The following B4GALT2 variants were observed in gnomAD, a reference collection of about 807,000 sequenced individuals.
B4GALT2 encodes beta-1,4-galactosyltransferase 2.
Under a neutral mutation model 33.2 loss-of-function variants are expected in B4GALT2, and 18 were observed. The observed-to-expected ratio is 0.54, with a 90% CI of 0.38 to 0.80. B4GALT2 has a LOEUF of 0.80. Ranked by LOEUF, B4GALT2 falls within the 30% of genes least tolerant of loss-of-function variation. The probability of loss-of-function intolerance (pLI) is 0.00; values close to 1 mark genes in which losing one functional copy is unlikely to be tolerated. For synonymous variants in B4GALT2, 214 were observed against 217.6 expected (o/e 0.98, Z 0.15); for missense variants, 404 against 526.2 (o/e 0.77, Z 2.27).
Position 43,984,319 on chromosome 1 carries a change from C to T in B4GALT2, c.550-546C>T, listed in dbSNP as rs2085632510. On this transcript the variant is annotated intron_variant, in intron 3 of 6. Coordinates refer to ENST00000372324, the MANE Select transcript of B4GALT2 (RefSeq NM_003780.5). The surrounding 1 kb of genome is among the most constrained non-coding windows in gnomAD (Gnocchi z 5.6). ...GTCATTTGGGGCATTCGTTGTTTGTCTCACTGCATGACTCTATACACAGCA... is the reference window on the plus strand; with the variant it reads ...GTCATTTGGGGCATTCGTTGTTTGTTTCACTGCATGACTCTATACACAGCA... Among the ~76,000 whole-genome samples the T allele has an allele frequency of 6.6e-6, 1 of 152,258 alleles. No homozygotes were observed. The highest frequency in any genetic ancestry group is 1.5e-5 in the Non-Finnish European group (1 of 68,038).
At position 43,990,701 on chromosome 1, in the gene B4GALT2, GC is replaced by G; in HGVS notation, c.*257del. On this transcript the variant is annotated 3_prime_UTR_variant, in exon 7 of 7. Transcript: ENST00000372324. The stretch of plus-strand genomic sequence containing the variant: ...TTCCCGACCCCCTCCCCCTAGCCCA[GC>G]CCCAGTCACTGTCAGGGTCGGGCCA... 1.9e-6 allele frequency: 1 copy of G among 529,866 alleles called. No individual in the cohort carries two copies. Among genetic ancestry groups the G allele is most frequent in the Non-Finnish European group, 3.4e-6 (1 of 295,714 alleles). 32.8% of individuals were successfully genotyped at this position (529,866 alleles called of 1,614,324 possible). A position where few individuals can be genotyped will look rare whatever the true frequency, so the allele number is the denominator to read the frequency against.
chr1:43,989,778 T>C (rs1397770060), intron 6 of B4GALT2, among the ~76,000 whole-genome samples: 3 of 152,196 alleles, frequency 2.0e-5, no homozygotes, highest in African/African-American at 7.2e-5. Context: ...GCTATAATTA[T>C]GGCTTGTGGA....
intron 4 of B4GALT2, 73 bp from the exon 5 acceptor site, chr1:43,985,205 C>A: frequency 6.4e-7 from 1 of 1,568,146 alleles, no homozygotes; most frequent in Non-Finnish European, 8.7e-7. Flanking sequence ...GACATTCCCC[C>A]CGACCTGGTC....
At chr1:43,988,356 C>G (rs140758230) in intron 6 of B4GALT2, among the ~76,000 whole-genome samples, 3 of 73,730 alleles carry the variant, frequency 4.1e-5, no homozygotes, top group Non-Finnish European at 9.5e-5. Context: ...ACCAAAAATA[C>G]AAAAAAAAAA....
chr1:43,980,990 A>C, intron 1 of B4GALT2, 119 bp from the exon 2 acceptor site: 3 of 1,323,264 alleles, frequency 2.3e-6, no homozygotes, highest in Non-Finnish European at 2.0e-6. Context: ...GTGAAAGGGT[A>C]TGAGCAGGTC....
Position 43,982,880 on chromosome 1 carries a change from G to A in B4GALT2, c.549+956G>A, listed in dbSNP as rs183917241. 1.1e-4 allele frequency among the ~76,000 whole-genome samples: 16 copies of A among 152,288 alleles called. No homozygotes were observed. In the East Asian group the frequency reaches 2.5e-3, roughly 24 times the overall value. On this transcript the variant is annotated intron_variant, in intron 3 of 6. Coordinates refer to ENST00000372324, the MANE Select transcript of B4GALT2 (RefSeq NM_003780.5). The surrounding 1 kb of genome is among the most constrained non-coding windows in gnomAD (Gnocchi z 4.3). ...GGGGAGATTAGAGACAGCGTGGCCC[G>A]TTTGGAAGAGAGGACGATGCCCAGG... is the stretch of plus-strand genomic sequence containing the variant.
chr1:43,990,163 T>G (rs1280490134), intron 6 of B4GALT2, 135 bp from the exon 7 acceptor site: 4 of 1,132,182 alleles, frequency 3.5e-6, no homozygotes, highest in Non-Finnish European at 5.1e-6. Context: ...CCATCATAGC[T>G]GGAAACCCTG....
chr1:43,980,618 G>C, intron 1 of B4GALT2: 1 of 987,068 alleles, frequency 1.0e-6, no homozygotes, highest in Non-Finnish European at 1.2e-6. Flanking sequence ...CTGCATGGTA[G>C]GTGCACAGTA....
chr1:43,985,433 T>TGGGGGGGGGGGGGGGGGG, intron 5 of B4GALT2, 33 bp downstream of exon 5: 1 of 143,550 alleles, frequency 7.0e-6, no homozygotes, highest in Non-Finnish European at 1.2e-5. Context: ...ATAGGCTGGG[T>TGGGGGGGGGGGGGGGGGG]GGGGGGGGGA....
At chr1:43,988,823 G>C (rs1349216085) in intron 6 of B4GALT2, among the ~76,000 whole-genome samples, 1 of 144,380 alleles carries the variant, frequency 6.9e-6, no homozygotes, top group Non-Finnish European at 1.5e-5. Flanking sequence ...TTCCAGCCTA[G>C]GCAACAGAGC....
Position 43,984,624 on chromosome 1 carries a change from G to A in B4GALT2, c.550-241G>A, listed in dbSNP as rs2085635042. ...TCTGGCATATTCCGGGGCTGCTGAGGGATGTTGTGTGGCTGGGCCTCGGGA... is the reference window on the plus strand; with the variant it reads ...TCTGGCATATTCCGGGGCTGCTGAGAGATGTTGTGTGGCTGGGCCTCGGGA... On this transcript the variant is annotated intron_variant, in intron 3 of 6. Coordinates refer to ENST00000372324, the MANE Select transcript of B4GALT2 (RefSeq NM_003780.5). The surrounding 1 kb of genome is among the most constrained non-coding windows in gnomAD (Gnocchi z 5.6). Among the ~76,000 whole-genome samples the A allele has an allele frequency of 6.6e-6, 1 of 152,190 alleles. No homozygotes were observed. The highest frequency in any genetic ancestry group is 1.5e-5 in the Non-Finnish European group (1 of 68,022).
chr1:43,989,635 C>A (rs946310431), intron 6 of B4GALT2, among the ~76,000 whole-genome samples: 2 of 152,160 alleles, frequency 1.3e-5, no homozygotes, highest in Admixed American at 1.3e-4. Context: ...TTAAATATAT[C>A]GCAGTTAGGC....
intron 1 of B4GALT2, chr1:43,980,682 A>G (rs1039475421): frequency 1.3e-6 from 1 of 783,810 alleles, no homozygotes; most frequent in African/African-American, 1.8e-5. Context: ...GGATGCTGCC[A>G]TGTGAGGTGT....
In B4GALT2 at chr1:43,990,409, G is replaced by A. The variant is rs1361653067; in HGVS notation, c.1080G>A (p.Val360=). The A allele has an allele frequency of 1.2e-6, 2 of 1,614,018 alleles. No homozygotes were observed. Among genetic ancestry groups the A allele is most frequent in the Non-Finnish European group, 1.7e-6 (2 of 1,180,032 alleles). ...SRQPLFTNIT[V]DIGRPPSWPP... ...AACCACTCTTCACCAATATCACAGT[G>A]GACATTGGGCGGCCTCCGTCGTGGC... Residue 360 remains valine, a synonymous_variant, in exon 7 of 7, where the codon GTG becomes GTA. Transcript: ENST00000372324.
chr1:43,988,921 AGCTGACATCTCTGTTTTGAGGGCCAAT>A (rs2085691141), intron 6 of B4GALT2, among the ~76,000 whole-genome samples: 3 of 151,406 alleles, frequency 2.0e-5, no homozygotes, highest in South Asian at 4.2e-4. Flanking sequence ...TGACTGGAGC[AGCTGACATCTCTGTTTTGAGGGCCAAT>A]GCAGGAGCAG....
Position 43,981,653 on chromosome 1 carries a change from C to T in B4GALT2, c.314-36C>T, listed in dbSNP as rs2085598322. 1 of 1,575,014 alleles carries T rather than the reference C, an allele frequency of 6.3e-7. No homozygotes were observed. Among genetic ancestry groups the T allele is most frequent in the South Asian group, 1.2e-5 (1 of 85,410 alleles). On this transcript the variant is annotated intron_variant, in intron 2 of 6. Transcript: ENST00000372324. The surrounding 1 kb of genome is among the most constrained non-coding windows in gnomAD (Gnocchi z 8.1). ...GGGGGCTGGTATCTGTGGATTCTGGCCAATGCCCTGATTCCTGACACTGTC... is the reference window on the plus strand; with the variant it reads ...GGGGGCTGGTATCTGTGGATTCTGGTCAATGCCCTGATTCCTGACACTGTC...
Position 43,981,372 on chromosome 1 carries a change from A to G in B4GALT2, c.212A>G (p.Asn71Ser). ...SSSSSNCSRP[N>S]ATASSSGLPE... is the part of the protein sequence containing the mutation. ...AGCAGCAGCAACTGCTCCCGGCCCA[A>G]CGCCACCGCCTCTAGCTCCGGGCTC... The change falls in exon 2 of 7, where the codon AAC becomes AGC. Residue 71 changes from asparagine to serine, a missense_variant. Coordinates refer to ENST00000372324, the MANE Select transcript of B4GALT2 (RefSeq NM_003780.5). The surrounding 1 kb of genome is among the most constrained non-coding windows in gnomAD (Gnocchi z 8.1). The G allele has an allele frequency of 6.3e-7, 1 of 1,598,678 alleles. No homozygotes were observed. The highest frequency in any genetic ancestry group is 8.5e-7 in the Non-Finnish European group (1 of 1,179,648).
Position 43,981,223 on chromosome 1 carries a change from G to A in B4GALT2, c.63G>A (p.Leu21=). ...GCAAGGCTGTGCTCCTTCTCTGCCT[G>A]CTGCACTTCCTCGTGGCCGTCATCC... ...RVCKAVLLLC[L]LHFLVAVILY... is the part of the protein sequence containing the mutation. Residue 21 remains leucine, a synonymous_variant, in exon 2 of 7, where the codon CTG becomes CTA. Coordinates refer to ENST00000372324, the MANE Select transcript of B4GALT2 (RefSeq NM_003780.5). The surrounding 1 kb of genome is among the most constrained non-coding windows in gnomAD (Gnocchi z 8.1). 1 of 1,604,942 alleles carries A rather than the reference G, an allele frequency of 6.2e-7. No homozygotes were observed. Among genetic ancestry groups the A allele is most frequent in the Non-Finnish European group, 8.5e-7 (1 of 1,179,878 alleles).
chr1:43,990,255 T>C, intron 6 of B4GALT2, 43 bp from the exon 7 acceptor site: 2 of 1,604,630 alleles, frequency 1.2e-6, no homozygotes, highest in Non-Finnish European at 1.7e-6. Context: ...ATTTTTAGTT[T>C]ACAGTTGTTA....
Sources: gnomAD v4.1 joint callset for allele counts (sites outside exome capture counted in the v4.1 genomes callset) on GRCh38, gnomAD v4.1.1 for gene constraint, Gnocchi (gnomAD v3.1) non-coding constraint, MANE v1.5 for transcripts, NCBI Gene and HGNC (gene_info 2026-07-23, HGNC 2026-07-21) for gene names.